INA: variants seen among roughly 807,000 people sequenced by gnomAD.
INA encodes the protein internexin neuronal intermediate filament protein alpha.
Under a neutral mutation model 40.1 loss-of-function variants are expected in INA, and 35 were observed. The ratio of observed to expected loss-of-function variants is 0.87; its 90% CI spans 0.67 to 1.16. The LOEUF is 1.16. Among genes scored for constraint, INA ranks in the 50% most tolerant of loss-of-function variants. The pLI is 0.00. For missense variants in INA, 594 were observed against 686.7 expected (o/e 0.87, Z 1.51); for synonymous variants, 290 against 316.9 (o/e 0.92, Z 0.90).
At chr10:103,286,085 T>G (rs931474424) in intron 1 of INA, among the ~76,000 whole-genome samples, 1 of 151,970 alleles carries the variant, frequency 6.6e-6, no homozygotes, top group Non-Finnish European at 1.5e-5. Context: ...CTAAGCACTT[T>G]AGGAGGTAAA....
At chr10:103,282,175 T>C (rs2133534230) in intron 1 of INA, among the ~76,000 whole-genome samples, 1 of 152,326 alleles carries the variant, frequency 6.6e-6, no homozygotes, top group Non-Finnish European at 1.5e-5. Flanking sequence ...ATCTGTAAAA[T>C]AGATATATGA....
In INA at chr10:103,278,354, C is replaced by A; in HGVS notation, c.1065+78C>A. On this transcript the variant is annotated intron_variant, in intron 1 of 2. Transcript: ENST00000369849. The surrounding 1 kb of genome is among the most constrained non-coding windows in gnomAD (Gnocchi z 4.9). The stretch of plus-strand genomic sequence containing the variant: ...ACCCTCTTCCTCTGGTAAAACTGGG[C>A]CCCAGGACTTAAGGGGAGGGCAAAA... 1 of 1,221,700 alleles carries A rather than the reference C, an allele frequency of 8.2e-7. No homozygotes were observed. Among genetic ancestry groups the A allele is most frequent in the Non-Finnish European group, 1.1e-6 (1 of 895,028 alleles). 75.7% of individuals were successfully genotyped at this position (1,221,700 alleles called of 1,614,324 possible). A position where few individuals can be genotyped will look rare whatever the true frequency, so the allele number is the denominator to read the frequency against.
At chr10:103,284,026 C>G (rs2093079231) in intron 1 of INA, among the ~76,000 whole-genome samples, 1 of 152,028 alleles carries the variant, frequency 6.6e-6, no homozygotes, top group Non-Finnish European at 1.5e-5. Context: ...GCCTCAGCCT[C>G]CCAAAGTGCT....
In INA at chr10:103,288,663, A is replaced by AAT; in HGVS notation, c.1498_1499dup (p.Ter500TyrfsTer15). 6.4e-7 allele frequency: 1 copy of AAT among 1,562,600 alleles called. No homozygotes were observed. Among genetic ancestry groups the AAT allele is most frequent in the South Asian group, 1.2e-5 (1 of 83,592 alleles). On this transcript the variant is annotated frameshift_variant, in exon 3 of 3. Coordinates refer to ENST00000369849, the MANE Select transcript of INA (RefSeq NM_032727.4). LOFTEE classifies it high-confidence loss of function. Reference sequence around the variant, plus strand: ...AAGAAACCACCATTTCAAGCCAAAAAATATAATTCCATTGCTTTGAAAAAG... The same window carrying AAT: ...AAGAAACCACCATTTCAAGCCAAAAAATATATAATTCCATTGCTTTGAAAAAG...
intron 1 of INA, among the ~76,000 whole-genome samples, chr10:103,282,075 CAA>C (rs2133534171): frequency 6.6e-6 from 1 of 152,324 alleles, no homozygotes; most frequent in South Asian, 2.1e-4. Context: ...AGAGCACAAA[CAA>C]AGAGACCAGA....
At chr10:103,286,120 G>C (rs2093085304) in intron 1 of INA, among the ~76,000 whole-genome samples, 1 of 152,000 alleles carries the variant, frequency 6.6e-6, no homozygotes, top group Non-Finnish European at 1.5e-5. Flanking sequence ...TTGAGGCCAG[G>C]AGTTCAAGAC....
chr10:103,289,973 G>T lies in INA; in HGVS notation c.*1304G>T, dbSNP rs942171132. 6.6e-6 allele frequency: 1 copy of T among 152,670 alleles called. No individual in the cohort carries two copies. Among genetic ancestry groups the T allele is most frequent in the Non-Finnish European group, 1.5e-5 (1 of 68,068 alleles). The allele number at this position is 152,670 out of a possible 1,614,324, so 9.5% of individuals were successfully genotyped here. A position where few individuals can be genotyped will look rare whatever the true frequency, so the allele number is the denominator to read the frequency against. The stretch of plus-strand genomic sequence containing the variant: ...GAAGAGACACTCAGACCAGAGAAGG[G>T]GTGTGCATGCGCCTACTCGCTTGCT... On this transcript the variant is annotated 3_prime_UTR_variant, in exon 3 of 3. Coordinates refer to ENST00000369849, the MANE Select transcript of INA (RefSeq NM_032727.4).
At chr10:103,286,694 TAA>T (rs35520764) in intron 1 of INA, among the ~76,000 whole-genome samples, 3 of 143,184 alleles carry the variant, frequency 2.1e-5, no homozygotes, top group African/African-American at 2.6e-5. Context: ...ATGGTAAGTG[TAA>T]AAAAAAAAAA....
intron 1 of INA, chr10:103,279,883 C>A: frequency 1.7e-6 from 2 of 1,200,598 alleles, no homozygotes; most frequent in Middle Eastern, 2.3e-4. Context: ...GTACCCTAAC[C>A]CCTGGATGGC....
In INA at chr10:103,278,034, C is replaced by T. The variant is rs746808984; in HGVS notation, c.823C>T (p.Leu275=). The change falls in exon 1 of 3, where the codon CTG becomes TTG. Residue 275 remains leucine, a synonymous_variant. Coordinates refer to ENST00000369849, the MANE Select transcript of INA (RefSeq NM_032727.4). This position sits in a 1 kb window ranked among gnomAD's most constrained non-coding sequence, Gnocchi z 4.9. ...GGAGATCCGCGCCCAGTATGAGTCCCTGGCCGCTAAGAACCTGCAGTCCGC... is the reference window on the plus strand; with the variant it reads ...GGAGATCCGCGCCCAGTATGAGTCCTTGGCCGCTAAGAACCTGCAGTCCGC... The part of the protein sequence containing the change: ...LREIRAQYES[L]AAKNLQSAEE... 3 of 1,612,444 alleles carry T rather than the reference C, an allele frequency of 1.9e-6. No individual in the cohort carries two copies. The highest frequency in any genetic ancestry group is 1.1e-5 in the South Asian group (1 of 90,834).
chr10:103,284,207 G>A (rs1163089), intron 1 of INA, among the ~76,000 whole-genome samples: 55,783 of 151,332 alleles, frequency 0.37, 11,366 homozygotes, highest in South Asian at 0.55. Context: ...TACCGGGCTC[G>A]AGCAATTCTC....
intron 1 of INA, chr10:103,280,513 T>C (rs1412280660): frequency 1.0e-6 from 1 of 985,330 alleles, no homozygotes; most frequent in Non-Finnish European, 1.2e-6. Context: ...AATGGGAGGC[T>C]GTTCTCCTTC....
rs1328764247 is a variant in INA at position 103,277,391 on chromosome 10, C to T, written c.180C>T (p.Leu60=). The T allele has an allele frequency of 1.3e-6, 2 of 1,553,370 alleles. No homozygotes were observed. Among genetic ancestry groups the T allele is most frequent in the Admixed American group, 1.9e-5 (1 of 52,026 alleles). Residue 60 remains leucine (L), a synonymous_variant, in exon 1 of 3, where the codon CTC becomes CTT. Coordinates refer to ENST00000369849, the MANE Select transcript of INA (RefSeq NM_032727.4). The surrounding 1 kb of genome is among the most constrained non-coding windows in gnomAD (Gnocchi z 5.6). ...CCGCCTGCTCCTCGGCCTCGTCGCT[C>T]GGCCTCGGCCTGGCCTATCGCCGGC... ...SSAACSSASS[L]GLGLAYRRPP...
chr10:103,279,487 C>T (rs577881451), intron 1 of INA, among the ~76,000 whole-genome samples: 23 of 152,206 alleles, frequency 1.5e-4, no homozygotes, highest in African/African-American at 5.5e-4. Context: ...AGGCAGGGGA[C>T]AGGGTAAATG....
intron 1 of INA, among the ~76,000 whole-genome samples, chr10:103,282,760 G>A (rs1023485441): frequency 1.3e-5 from 2 of 151,932 alleles, no homozygotes; most frequent in Non-Finnish European, 2.9e-5. Flanking sequence ...AAAATCTGGT[G>A]CTTTAAGGTA....
chr10:103,278,328 T>C lies in INA; in HGVS notation c.1065+52T>C, dbSNP rs2093065311. 3 of 1,370,002 alleles carry C rather than the reference T, an allele frequency of 2.2e-6. No individual in the cohort carries two copies. The highest frequency in any genetic ancestry group is 3.0e-6 in the Non-Finnish European group (3 of 1,013,208). 84.9% of individuals were successfully genotyped at this position (1,370,002 alleles called of 1,614,324 possible). The stretch of plus-strand genomic sequence containing the variant: ...GGGGTGCCCTGCCCTCTTCCGCGCG[T>C]ACCCTCTTCCTCTGGTAAAACTGGG... On this transcript the variant is annotated intron_variant, in intron 1 of 2. Coordinates refer to ENST00000369849, the MANE Select transcript of INA (RefSeq NM_032727.4). This position sits in a 1 kb window ranked among gnomAD's most constrained non-coding sequence, Gnocchi z 4.9.
At chr10:103,287,434 C>G (rs2093088854) in intron 2 of INA, among the ~76,000 whole-genome samples, 1 of 152,134 alleles carries the variant, frequency 6.6e-6, no homozygotes, top group Non-Finnish European at 1.5e-5. Flanking sequence ...AGACTCGTAA[C>G]TTTAAAAATA....
At chr10:103,285,903 C>G (rs1451313387) in intron 1 of INA, among the ~76,000 whole-genome samples, 1 of 152,074 alleles carries the variant, frequency 6.6e-6, no homozygotes, top group African/African-American at 2.4e-5. Flanking sequence ...CAGGTGTGAG[C>G]CACCACACCC....
chr10:103,288,383 C>G lies in INA; in HGVS notation c.1214C>G (p.Thr405Arg). ...AGGAAACTGCTGGAAGGCGAGGAGA[C>G]ACGTTTTAGCACCAGTGGGTTAAGC... ...AYRKLLEGEETRFSTSGLSIS... is the reference protein window; with the variant it reads ...AYRKLLEGEERRFSTSGLSIS... Residue 405 changes from threonine to arginine, a missense_variant, in exon 3 of 3, where the codon ACA (threonine) becomes AGA (arginine). By Grantham distance (71) the Thr-to-Arg change is moderately conservative. Coordinates refer to ENST00000369849, the MANE Select transcript of INA (RefSeq NM_032727.4). The G allele has an allele frequency of 6.3e-7, 1 of 1,599,984 alleles. No homozygotes were observed. The highest frequency in any genetic ancestry group is 8.5e-7 in the Non-Finnish European group (1 of 1,176,308).
Sources: gnomAD v4.1 joint callset for allele counts (sites outside exome capture counted in the v4.1 genomes callset) on GRCh38, gnomAD v4.1.1 for gene constraint, Gnocchi (gnomAD v3.1) non-coding constraint, MANE v1.5 for transcripts, NCBI Gene and HGNC (gene_info 2026-07-23, HGNC 2026-07-21) for gene names.